Variants in PNPLA1 observed in about 807,000 individuals in gnomAD.
PNPLA1 encodes omega-hydroxyceramide transacylase.
PNPLA1 carries 36 observed loss-of-function variants against 51.7 expected under a neutral mutation model. The ratio of observed to expected loss-of-function variants is 0.70; its 90% CI spans 0.53 to 0.92. PNPLA1 has a LOEUF of 0.92. PNPLA1 is among the 40% of genes least tolerant of loss of function. The pLI, the probability that PNPLA1 is intolerant of heterozygous loss-of-function variation, is 0.00. For synonymous variants in PNPLA1, 293 were observed against 280.1 expected (o/e 1.05, Z -0.46); for missense variants, 658 against 682.5 (o/e 0.96, Z 0.40).
At chr6:36,286,516 G>A (rs1770492106) in intron 1 of PNPLA1, among the ~76,000 whole-genome samples, 4 of 152,134 alleles carry the variant, frequency 2.6e-5, no homozygotes, top group Non-Finnish European at 5.9e-5. Context: ...TCAGGAGGCT[G>A]AGGTGGGAGG....
At chr6:36,297,903 C>T (rs1046077745) in intron 5 of PNPLA1, among the ~76,000 whole-genome samples, 1 of 146,588 alleles carries the variant, frequency 6.8e-6, no homozygotes, top group South Asian at 2.2e-4. Context: ...GTGAAACCAT[C>T]ACCACAATTA....
intron 1 of PNPLA1, among the ~76,000 whole-genome samples, chr6:36,263,704 G>A (rs1435733137): frequency 6.6e-6 from 1 of 151,920 alleles, no homozygotes; most frequent in Non-Finnish European, 1.5e-5. Flanking sequence ...CTCACTGATG[G>A]GGGCAAGGCT....
chr6:36,270,748 C>T, intron 1 of PNPLA1, 84 bp downstream of exon 1: 3 of 1,456,756 alleles, frequency 2.1e-6, no homozygotes, highest in Non-Finnish European at 2.8e-6. Context: ...GCTGGGGATG[C>T]TTTGGGGGAC....
In PNPLA1 at chr6:36,294,834, G is replaced by A. The variant is rs1254087111; in HGVS notation, c.714+435G>A. On this transcript the variant is annotated intron_variant, in intron 4 of 8. Coordinates refer to ENST00000636260, the MANE Select transcript of PNPLA1 (RefSeq NM_001374623.1). The surrounding 1 kb of genome is among the most constrained non-coding windows in gnomAD (Gnocchi z 4.2). ...AGAAGAAAAAGAAAAAGAACATTAGGCAGAGACTGCATGTGGCCAGCAAAG... is the reference window on the plus strand; with the variant it reads ...AGAAGAAAAAGAAAAAGAACATTAGACAGAGACTGCATGTGGCCAGCAAAG... Among the ~76,000 whole-genome samples, 2 of 152,198 alleles carry A rather than the reference G, an allele frequency of 1.3e-5. No individual in the cohort carries two copies. Among genetic ancestry groups the A allele is most frequent in the African/African-American group, 4.8e-5 (2 of 41,438 alleles).
rs191438427 is a variant in PNPLA1, at chr6:36,292,399, G to A, written c.439-662G>A. 2.0e-3 allele frequency among the ~76,000 whole-genome samples: 297 copies of A among 151,060 alleles called. 1 individual carries two copies. The highest frequency in any genetic ancestry group is 6.7e-3 in the Admixed American group (102 of 15,186). On this transcript the variant is annotated intron_variant, in intron 2 of 8. Coordinates refer to ENST00000636260, the MANE Select transcript of PNPLA1 (RefSeq NM_001374623.1). ...CCCACTGCTGCAGTTTTCTCTTCCC[G>A]GCCCTCTCCCCCACCTTCCACTCCT...
chr6:36,306,150 T>C (rs575371348), intron 6 of PNPLA1, 142 bp from the exon 7 acceptor site: 4 of 659,828 alleles, frequency 6.1e-6, no homozygotes, highest in Admixed American at 6.6e-5. Flanking sequence ...GACATGACTC[T>C]GGTTGTAAAG....
intron 1 of PNPLA1, among the ~76,000 whole-genome samples, chr6:36,289,688 G>C (rs1351109258): frequency 6.6e-6 from 1 of 152,136 alleles, no homozygotes; most frequent in Non-Finnish European, 1.5e-5. Flanking sequence ...CCAAGCCCCA[G>C]GGAAAGAAGG....
chr6:36,309,906 T>G (rs1008703094), intron 8 of PNPLA1, among the ~76,000 whole-genome samples: 1 of 152,194 alleles, frequency 6.6e-6, no homozygotes, highest in African/African-American at 2.4e-5. Context: ...TTACAACCAC[T>G]GTCACATCCA....
Position 36,294,240 on chromosome 6 carries a change from C to A in PNPLA1, c.555C>A (p.Thr185=), listed in dbSNP as rs748310345. 9 of 1,614,072 alleles carry A rather than the reference C, an allele frequency of 5.6e-6. No homozygotes were observed. The highest frequency in any genetic ancestry group is 3.3e-4 in the Middle Eastern group (2 of 6,084). The change falls in exon 4 of 9, where the codon ACC becomes ACA. Residue 185 remains threonine, a synonymous_variant. Transcript: ENST00000636260. The surrounding 1 kb of genome is among the most constrained non-coding windows in gnomAD (Gnocchi z 4.2). Reference sequence around the variant, plus strand: ...GCATGCAGCCCTGTGCCTTCTGGACCGACGCCATCACCATCTCCACCTTCA... The same window carrying A: ...GCATGCAGCCCTGTGCCTTCTGGACAGACGCCATCACCATCTCCACCTTCA... ...FTGMQPCAFW[T]DAITISTFSG...
intron 1 of PNPLA1, among the ~76,000 whole-genome samples, chr6:36,286,258 T>C (rs569161941): frequency 9.9e-5 from 15 of 152,170 alleles, no homozygotes; most frequent in Admixed American, 6.5e-4. Context: ...GAAGCTGGGA[T>C]TTGAACCAAA....
intron 1 of PNPLA1, among the ~76,000 whole-genome samples, chr6:36,260,151 T>A (rs1293348798): frequency 6.6e-6 from 1 of 151,520 alleles, no homozygotes; most frequent in Non-Finnish European, 1.5e-5. Context: ...AATAAGCAGG[T>A]GTTGTGTTGT....
intron 1 of PNPLA1, among the ~76,000 whole-genome samples, chr6:36,262,059 T>C (rs1157067552): frequency 6.6e-6 from 1 of 152,184 alleles, no homozygotes; most frequent in African/African-American, 2.4e-5. Flanking sequence ...GGATTCTCCT[T>C]CTCCACTGGG....
chr6:36,282,179 G>GAA (rs1554136625), intron 1 of PNPLA1, among the ~76,000 whole-genome samples: 3 of 93,718 alleles, frequency 3.2e-5, no homozygotes, highest in Middle Eastern at 7.8e-3. Flanking sequence ...AAGAGACAGA[G>GAA]AGAAAGAAAG....
Position 36,302,009 on chromosome 6 carries a change from A to T in PNPLA1, c.924A>T (p.Thr308=). The T allele has an allele frequency of 1.9e-6, 3 of 1,614,216 alleles. No individual in the cohort carries two copies. The highest frequency in any genetic ancestry group is 2.5e-6 in the Non-Finnish European group (3 of 1,180,034). Reference sequence around the variant, plus strand: ...GGCAGGCCAGTCTGGAAGGAGCCACACAACCTCACAAGGAGTGGGTTCCCA... The same window carrying T: ...GGCAGGCCAGTCTGGAAGGAGCCACTCAACCTCACAAGGAGTGGGTTCCCA... ...RARQASLEGA[T]QPHKEWVPKG... is the part of the protein sequence containing the mutation. Residue 308 remains threonine (T), a synonymous_variant, in exon 6 of 9, where the codon ACA becomes ACT. Transcript: ENST00000636260.
chr6:36,279,026 A>C (rs1770196383), intron 1 of PNPLA1, among the ~76,000 whole-genome samples: 1 of 152,192 alleles, frequency 6.6e-6, no homozygotes, highest in Admixed American at 6.5e-5. Context: ...TCTGAGGTGG[A>C]TGAAGCTAGG....
rs753726063 is a variant in PNPLA1 at position 36,294,382 on chromosome 6, T to C, written c.697T>C (p.Phe233Leu). 4.3e-6 allele frequency: 7 copies of C among 1,613,186 alleles called. No homozygotes were observed. The highest frequency in any genetic ancestry group is 5.9e-6 in the Non-Finnish European group (7 of 1,179,334). Residue 233 changes from phenylalanine to leucine, a missense_variant, in exon 4 of 9, where the codon TTC (phenylalanine) becomes CTC (leucine). Transcript: ENST00000636260. This position sits in a 1 kb window ranked among gnomAD's most constrained non-coding sequence, Gnocchi z 4.2. ...CATCGCCAGGATGACCCACGCATTG[T>C]TCCCCCCGGACCTGGTGGTGAGAGG... ...ENIARMTHAL[F>L]PPDLVILHDY...
intron 1 of PNPLA1, among the ~76,000 whole-genome samples, chr6:36,284,173 T>C (rs1193046963): frequency 1.3e-5 from 2 of 152,218 alleles, no homozygotes; most frequent in Non-Finnish European, 2.9e-5. Flanking sequence ...CAAAGAGTCC[T>C]GTGGACACCT....
At chr6:36,309,470 G>A (rs1377569715) in intron 8 of PNPLA1, among the ~76,000 whole-genome samples, 1 of 152,144 alleles carries the variant, frequency 6.6e-6, no homozygotes, top group East Asian at 1.9e-4. Flanking sequence ...GGGACTAGGA[G>A]CACTATCTGG....
rs117336044 is a variant in PNPLA1 at position 36,290,198 on chromosome 6, C to T, written c.206-1122C>T. On this transcript the variant is annotated intron_variant, in intron 1 of 8. Coordinates refer to ENST00000636260, the MANE Select transcript of PNPLA1 (RefSeq NM_001374623.1). ...ACATGACACTAACCATAAGAAAGTT[C>T]TACCATATAGCGTATCATAGCATAT... Among the ~76,000 whole-genome samples the T allele has an allele frequency of 1.0e-3, 157 of 152,322 alleles. No homozygotes were observed. The East Asian group carries it at 0.026, about 26-fold the overall frequency.
Sources: allele counts gnomAD v4.1 joint callset (sites outside exome capture counted in the v4.1 genomes callset), GRCh38; gene constraint gnomAD v4.1.1; non-coding constraint Gnocchi (gnomAD v3.1); transcripts MANE v1.5; gene names NCBI Gene and HGNC (gene_info 2026-07-23, HGNC 2026-07-21).